Variants in KIAA1671 observed in about 807,000 individuals in gnomAD.
The protein encoded by KIAA1671 is uncharacterized protein KIAA1671.
KIAA1671 carries 52 observed loss-of-function variants against 131.2 expected under a neutral mutation model. The ratio of observed to expected loss-of-function variants is 0.40; its 90% CI spans 0.32 to 0.50. The LOEUF is 0.50. KIAA1671 is among the 20% of genes least tolerant of loss of function. KIAA1671 has a pLI of 0.73. For missense variants in KIAA1671, 2,360 were observed against 2,364.2 expected (o/e 1.00, Z 0.04); for synonymous variants, 1,003 against 961.6 (o/e 1.04, Z -0.80).
In KIAA1671 at chr22:24,964,154, C is replaced by T. The variant is rs181941987; in HGVS notation, c.-208+11382C>T. ...GACCAGCCTGGCCAACGTGGCAAAA[C>T]CCTATCTCTACTAAAAATAGAAAAA... On this transcript the variant is annotated intron_variant, in intron 1 of 12. Transcript: ENST00000358431. Among the ~76,000 whole-genome samples, 2 of 152,030 alleles carry T rather than the reference C, an allele frequency of 1.3e-5. 1 individual carries two copies. Among genetic ancestry groups the T allele is most frequent in the African/African-American group, 4.8e-5 (2 of 41,472 alleles).
At chr22:25,032,944 G>A (rs895738737) in intron 4 of KIAA1671, among the ~76,000 whole-genome samples, 3 of 152,186 alleles carry the variant, frequency 2.0e-5, no homozygotes, top group East Asian at 3.8e-4. Flanking sequence ...TCGCAAAGAG[G>A]CAGAGGGGCA....
chr22:25,118,694 T>C (rs1931796305), intron 6 of KIAA1671, among the ~76,000 whole-genome samples: 1 of 151,948 alleles, frequency 6.6e-6, no homozygotes, highest in Non-Finnish European at 1.5e-5. Context: ...ACCCAAGAGA[T>C]CAGGTCATTC....
At chr22:24,987,340 T>G (rs1488766199) in intron 1 of KIAA1671, among the ~76,000 whole-genome samples, 1 of 151,662 alleles carries the variant, frequency 6.6e-6, no homozygotes, top group African/African-American at 2.4e-5. Context: ...CCGGCTAATT[T>G]TTTGTATTTT....
chr22:25,084,982 C>T lies in KIAA1671; in HGVS notation c.4530+35618C>T, dbSNP rs114067310. ...CAAAGAAGGCAAACGCCACACTTCC[C>T]TTTATGATGGCTGCAGCCACAGGAC... On this transcript the variant is annotated intron_variant, in intron 6 of 12. Coordinates refer to ENST00000358431, the MANE Select transcript of KIAA1671 (RefSeq NM_001145206.2). 2.1e-3 allele frequency among the ~76,000 whole-genome samples: 316 copies of T among 152,386 alleles called. 2 individuals carry two copies. Among genetic ancestry groups the T allele is most frequent in the African/African-American group, 7.2e-3 (301 of 41,594 alleles).
rs200772840 is a variant in KIAA1671, at chr22:24,964,423, CT to C, written c.-208+11661del. 3.6e-3 allele frequency among the ~76,000 whole-genome samples: 529 copies of C among 148,956 alleles called. 18 individuals are homozygous for C. The East Asian group carries it at 0.079, about 22-fold the overall frequency. ...TCTGTGCTCATCATTTTCCTATGTACTTTTTTTTTTATTTGTTATTTTTGGT... is the reference window on the plus strand; with the variant it reads ...TCTGTGCTCATCATTTTCCTATGTACTTTTTTTTTATTTGTTATTTTTGGT... On this transcript the variant is annotated intron_variant, in intron 1 of 12. Coordinates refer to ENST00000358431, the MANE Select transcript of KIAA1671 (RefSeq NM_001145206.2).
chr22:25,177,121 G>A, intron 8 of KIAA1671: 2 of 538,538 alleles, frequency 3.7e-6, no homozygotes, highest in Non-Finnish European at 3.3e-6. Flanking sequence ...GGGCACTCAA[G>A]GTTCATTGTT....
At chr22:25,017,109 G>A (rs5760797) in intron 1 of KIAA1671, among the ~76,000 whole-genome samples, 21,098 of 152,076 alleles carry the variant, frequency 0.14, 1,646 homozygotes, top group East Asian at 0.28. Flanking sequence ...ATGGCTGGGC[G>A]CGGTGGCTCA....
At chr22:25,058,194 T>C (rs1927956941) in intron 6 of KIAA1671, 1 of 152,184 alleles carries the variant, frequency 6.6e-6, no homozygotes, top group African/African-American at 2.4e-5. Context: ...TCAGTGTTTT[T>C]TAAATAGACT....
intron 5 of KIAA1671, among the ~76,000 whole-genome samples, chr22:25,048,107 G>A (rs1927345153): frequency 1.3e-5 from 2 of 152,224 alleles, no homozygotes. Flanking sequence ...CGAAGGTCTT[G>A]GCCTCCCCAG....
In KIAA1671 at chr22:25,041,057, AG is replaced by A; in HGVS notation, c.3932del (p.Gly1311AlafsTer203). On this transcript the variant is annotated frameshift_variant, in exon 5 of 13. Coordinates refer to ENST00000358431, the MANE Select transcript of KIAA1671 (RefSeq NM_001145206.2). LOFTEE classifies it high-confidence loss of function. ...CCTCGGCTCCTTCTGAAAGGTATCC[AG>A]GGGGCTCTCCTATACCTGCGGATCC... ...PPSAPSERYPGGSPIPADPRK... is the reference protein window; with the variant it reads ...PPSAPSERYPXGSPIPADPRK... The A allele has an allele frequency of 2.6e-6, 4 of 1,521,158 alleles. No individual in the cohort carries two copies. The highest frequency in any genetic ancestry group is 3.5e-6 in the Non-Finnish European group (4 of 1,132,716). The allele number at this position is 1,521,158 out of a possible 1,614,324, so 94.2% of individuals were successfully genotyped here. A position where few individuals can be genotyped will look rare whatever the true frequency, so the allele number is the denominator to read the frequency against.
At chr22:25,092,604 A>G (rs905031125) in intron 6 of KIAA1671, among the ~76,000 whole-genome samples, 4 of 152,130 alleles carry the variant, frequency 2.6e-5, no homozygotes, top group Admixed American at 2.0e-4. Flanking sequence ...GGCCAGTGGC[A>G]GTGGGGACTT....
intron 1 of KIAA1671, among the ~76,000 whole-genome samples, 159 bp from the exon 2 acceptor site, chr22:25,025,474 T>C (rs1403938178): frequency 2.0e-5 from 3 of 152,298 alleles, no homozygotes; most frequent in East Asian, 3.9e-4. Flanking sequence ...TATGCACACG[T>C]ACATATAAGG....
Position 24,996,731 on chromosome 22 carries a change from A to G in KIAA1671, c.-207-28902A>G, listed in dbSNP as rs563723945. ...CCCTCGTGTCCCTTGGAAGCCAGTC[A>G]TTGGCTGTGGGAGTGAGGGATTTAC... is the stretch of plus-strand genomic sequence containing the variant. On this transcript the variant is annotated intron_variant, in intron 1 of 12. Coordinates refer to ENST00000358431, the MANE Select transcript of KIAA1671 (RefSeq NM_001145206.2). Among the ~76,000 whole-genome samples the G allele has an allele frequency of 5.3e-5, 8 of 152,318 alleles. No individual in the cohort carries two copies. The East Asian group carries it at 1.4e-3, about 26-fold the overall frequency.
intron 1 of KIAA1671, among the ~76,000 whole-genome samples, chr22:24,998,233 T>C (rs972240313): frequency 1.4e-4 from 21 of 151,816 alleles, no homozygotes; most frequent in Non-Finnish European, 2.2e-4. Flanking sequence ...AAACCCCATC[T>C]CTACAAAAAA....
chr22:25,088,946 T>C (rs540593149), intron 6 of KIAA1671, among the ~76,000 whole-genome samples: 133 of 152,358 alleles, frequency 8.7e-4, no homozygotes, highest in South Asian at 3.1e-3. Flanking sequence ...TCCGTATCCG[T>C]GGATTCAACC....
intron 6 of KIAA1671, among the ~76,000 whole-genome samples, chr22:25,137,241 T>A (rs942225915): frequency 2.6e-5 from 4 of 152,240 alleles, no homozygotes; most frequent in African/African-American, 9.6e-5. Context: ...TTCAAAAGGG[T>A]ACCCCTTTGT....
chr22:25,003,137 C>T (rs1924563430), intron 1 of KIAA1671, among the ~76,000 whole-genome samples: 1 of 152,066 alleles, frequency 6.6e-6, no homozygotes, highest in Non-Finnish European at 1.5e-5. Context: ...TATCAGAAGG[C>T]AACACAGTAA....
chr22:24,992,737 C>A (rs1205858738), intron 1 of KIAA1671, among the ~76,000 whole-genome samples: 1 of 141,058 alleles, frequency 7.1e-6, no homozygotes, highest in Admixed American at 7.5e-5. Flanking sequence ...ATTGCTTGAA[C>A]CCGGGAGGCG....
Position 25,073,882 on chromosome 22 carries a change from C to T in KIAA1671, c.4530+24518C>T, listed in dbSNP as rs144672045. Among the ~76,000 whole-genome samples the T allele has an allele frequency of 2.2e-3, 336 of 152,202 alleles. 1 individual carries two copies. Among genetic ancestry groups the T allele is most frequent in the Non-Finnish European group, 3.7e-3 (252 of 68,006 alleles). On this transcript the variant is annotated intron_variant, in intron 6 of 12. Transcript: ENST00000358431. ...CTAATTTTTGTATTTTTAATAGGGA[C>T]GGGGTTTCACCATATTGGTCAGGCT...
Sources: gnomAD v4.1 joint callset for allele counts (sites outside exome capture counted in the v4.1 genomes callset) on GRCh38, gnomAD v4.1.1 for gene constraint, MANE v1.5 for transcripts, NCBI Gene and HGNC (gene_info 2026-07-23, HGNC 2026-07-21) for gene names.